The following C1S variants were observed in gnomAD, a reference collection of about 807,000 sequenced individuals.
C1S encodes complement C1s subcomponent.
In C1S, 31 loss-of-function variants were observed where a neutral mutation model predicts 54.0. The observed-to-expected ratio is 0.57, with a 90% CI of 0.43 to 0.78. The LOEUF (loss-of-function observed/expected upper bound fraction) is 0.78, where lower values mean the gene tolerates loss of function less well. Among genes scored for constraint, C1S ranks in the 30% least tolerant of loss-of-function variants. C1S has a pLI of 0.00. For missense variants in C1S, 727 were observed against 851.8 expected, an observed-to-expected ratio of 0.85 and a Z score of 1.82; for synonymous variants, 292 against 303.6, an observed-to-expected ratio of 0.96 and a Z score of 0.40.
chr12:7,067,701 C>G lies in C1S; in HGVS notation c.1125C>G (p.Ser375Arg). The G allele has an allele frequency of 6.2e-7, 1 of 1,613,728 alleles. No homozygotes were observed. Among genetic ancestry groups the G allele is most frequent in the Non-Finnish European group, 8.5e-7 (1 of 1,179,644 alleles). ...ATGGTAAAGTTGAAGACCCAGAGAG[C>G]ACTTTGTTTGGTTCTGTCATCCGCT... ...IENGKVEDPESTLFGSVIRYT... is the reference protein window; with the variant it reads ...IENGKVEDPERTLFGSVIRYT... Residue 375 changes from serine to arginine, a missense_variant, in exon 10 of 12, where the codon AGC (serine) becomes AGG (arginine). Around this residue, in one of 3 missense-constraint regions of C1S, gnomAD observed 360 missense variants for 453.6 expected, o/e 0.79. Transcript: ENST00000360817.
Position 7,067,042 on chromosome 12 carries a change from C to A in C1S, c.991C>A (p.Arg331Ser), listed in dbSNP as rs140488585. ...CLDGFEVVEG[R>S]VGATSFYSTC... ...GGTGATGTTTATTATTCTCCAGGGA[C>A]GTGTTGGTGCAACATCTTTCTATTC... Residue 331 changes from arginine to serine, a missense_variant, in exon 9 of 12, where the codon CGT (arginine) becomes AGT (serine). Transcript: ENST00000360817. 4 of 1,608,142 alleles carry A rather than the reference C, an allele frequency of 2.5e-6. No homozygotes were observed. Among genetic ancestry groups the A allele is most frequent in the Non-Finnish European group, 2.6e-6 (3 of 1,174,530 alleles).
rs980333766 is a variant in C1S, at chr12:7,065,714, T to C, written c.718-103T>C. ...TCTCCTGACCCTTATTTTCTTCTTA[T>C]TTTATGTGACATTTAATGCCTCTTT... On this transcript the variant is annotated intron_variant, in intron 6 of 11. Coordinates refer to ENST00000360817, the MANE Select transcript of C1S (RefSeq NM_001734.5). The C allele has an allele frequency of 9.0e-6, 9 of 1,000,530 alleles. No individual in the cohort carries two copies. The African/African-American group carries it at 1.3e-4, about 14-fold the overall frequency. 62.0% of individuals were successfully genotyped at this position (1,000,530 alleles called of 1,614,324 possible).
At chr12:7,067,230 TGG>T (rs1937691143) in intron 9 of C1S, 113 bp downstream of exon 9, 2 of 845,648 alleles carry the variant, frequency 2.4e-6, no homozygotes, top group Admixed American at 3.9e-5. Context: ...GGGAGTGGGT[TGG>T]GTTTTTGAAG....
At position 7,070,155 on chromosome 12, in the gene C1S, C is replaced by T. The variant is rs782095478; in HGVS notation, c.1571C>T (p.Thr524Ile). The change falls in exon 12 of 12, where the codon ACC becomes ATC. Residue 524 changes from threonine to isoleucine, a missense_variant. By Grantham distance (89) the Thr-to-Ile change is moderately conservative. This residue lies in a region of C1S where 360 missense variants were observed against 453.6 expected (regional missense o/e 0.79). Transcript: ENST00000360817. The surrounding 1 kb of genome is among the most constrained non-coding windows in gnomAD (Gnocchi z 4.9). ...WKLLEVPEGRTNFDNDIALVR... is the reference protein window; with the variant it reads ...WKLLEVPEGRINFDNDIALVR... ...CTGCTGGAAGTCCCAGAAGGACGAA[C>T]CAATTTTGATAATGACATTGCACTG... 2 of 1,614,184 alleles carry T rather than the reference C, an allele frequency of 1.2e-6. No individual in the cohort carries two copies. The highest frequency in any genetic ancestry group is 1.7e-6 in the Non-Finnish European group (2 of 1,180,026).
In C1S at chr12:7,070,917, C is replaced by G. The variant is rs997578167; in HGVS notation, c.*266C>G. 4.0e-6 allele frequency: 2 copies of G among 497,930 alleles called. No homozygotes were observed. The highest frequency in any genetic ancestry group is 5.6e-4 in the Middle Eastern group (1 of 1,792). 30.8% of individuals were successfully genotyped at this position (497,930 alleles called of 1,614,324 possible). On this transcript the variant is annotated 3_prime_UTR_variant, in exon 12 of 12. Coordinates refer to ENST00000360817, the MANE Select transcript of C1S (RefSeq NM_001734.5). The surrounding 1 kb of genome is among the most constrained non-coding windows in gnomAD (Gnocchi z 4.9). ...ATGGGTGGGGCACTCCTTTCTTGCACTATTCCACAGGGATACCTTAATTCT... is the reference window on the plus strand; with the variant it reads ...ATGGGTGGGGCACTCCTTTCTTGCAGTATTCCACAGGGATACCTTAATTCT...
rs782408713 is a variant in C1S, at chr12:7,070,640, C to T, written c.2056C>T (p.Arg686Cys). 8.1e-6 allele frequency: 13 copies of T among 1,613,578 alleles called. No individual in the cohort carries two copies. The highest frequency in any genetic ancestry group is 6.7e-5 in the Admixed American group (4 of 60,006). The change falls in exon 12 of 12, where the codon CGT becomes TGT. Residue 686 changes from arginine (R) to cysteine (C), a missense_variant. By Grantham distance (180) the Arg-to-Cys change is radical (BLOSUM62 -3). This residue lies in a region of C1S where 360 missense variants were observed against 453.6 expected (regional missense o/e 0.79). Transcript: ENST00000360817. The surrounding 1 kb of genome is among the most constrained non-coding windows in gnomAD (Gnocchi z 4.9). ...MKTMQENSTP[R>C]ED ...GACTATGCAGGAAAATAGCACCCCC[C>T]GTGAGGACTAATCCAGATACATCCC...
At position 7,063,048 on chromosome 12, in the gene C1S, T is replaced by C. The variant is rs150797595; in HGVS notation, c.372T>C (p.Ala124=). The C allele has an allele frequency of 6.2e-7, 1 of 1,613,562 alleles. No individual in the cohort carries two copies. Among genetic ancestry groups the C allele is most frequent in the African/African-American group, 1.3e-5 (1 of 74,924 alleles). The stretch of plus-strand genomic sequence containing the variant: ...ATGAAGAGCGTTTTACGGGGTTTGC[T>C]GCATACTATGTTGCCACAGGTAAGG... ...FSNEERFTGF[A]AYYVATDINE... Residue 124 remains alanine (A), a synonymous_variant, in exon 4 of 12, where the codon GCT becomes GCC. Transcript: ENST00000360817.
In C1S at chr12:7,070,152, G is replaced by A. The variant is rs1818735783; in HGVS notation, c.1568G>A (p.Arg523Gln). The A allele has an allele frequency of 6.2e-7, 1 of 1,614,170 alleles. No individual in the cohort carries two copies. The highest frequency in any genetic ancestry group is 8.5e-7 in the Non-Finnish European group (1 of 1,180,028). ...GWKLLEVPEGRTNFDNDIALV... is the reference protein window; with the variant it reads ...GWKLLEVPEGQTNFDNDIALV... Reference sequence around the variant, plus strand: ...AAGCTGCTGGAAGTCCCAGAAGGACGAACCAATTTTGATAATGACATTGCA... The same window carrying A: ...AAGCTGCTGGAAGTCCCAGAAGGACAAACCAATTTTGATAATGACATTGCA... Residue 523 changes from arginine to glutamine, a missense_variant, in exon 12 of 12, where the codon CGA (arginine) becomes CAA (glutamine). By Grantham distance (43) the Arg-to-Gln change is conservative. Around this residue, in one of 3 missense-constraint regions of C1S, gnomAD observed 360 missense variants for 453.6 expected, o/e 0.79. Transcript: ENST00000360817. This position sits in a 1 kb window ranked among gnomAD's most constrained non-coding sequence, Gnocchi z 4.9.
chr12:7,065,914 T>C lies in C1S; in HGVS notation c.815T>C (p.Phe272Ser). The C allele has an allele frequency of 6.2e-7, 1 of 1,613,716 alleles. No individual in the cohort carries two copies. The highest frequency in any genetic ancestry group is 8.5e-7 in the Non-Finnish European group (1 of 1,179,784). The change falls in exon 7 of 12, where the codon TTC becomes TCC. Residue 272 changes from phenylalanine (F) to serine (S), a missense_variant. Physicochemically the swap from Phe to Ser is radical, Grantham distance 155. Transcript: ENST00000360817. Reference sequence around the variant, plus strand: ...AAGAGTAATGCTCTTGATATCATCTTCCAAACTGATCTAACAGGGCAAAAA... The same window carrying C: ...AAGAGTAATGCTCTTGATATCATCTCCCAAACTGATCTAACAGGGCAAAAA... ...ETKSNALDII[F>S]QTDLTGQKKG...
At position 7,065,143 on chromosome 12, in the gene C1S, T is replaced by G. The variant is rs143509101; in HGVS notation, c.561T>G (p.Ile187Met). Reference sequence around the variant, plus strand: ...TATTCACTGCACTGATTGGGGAGATTGCAAGTCCCAATTATCCCAAACCAT... The same window carrying G: ...TATTCACTGCACTGATTGGGGAGATGGCAAGTCCCAATTATCCCAAACCAT... The part of the protein sequence containing the change: ...GDVFTALIGE[I>M]ASPNYPKPYP... The change falls in exon 6 of 12, where the codon ATT becomes ATG. Residue 187 changes from isoleucine (I) to methionine (M), a missense_variant. By Grantham distance (10) the Ile-to-Met change is conservative. Around this residue, in one of 3 missense-constraint regions of C1S, gnomAD observed 357 missense variants for 365.4 expected, o/e 0.98. Transcript: ENST00000360817. The G allele has an allele frequency of 1.4e-5, 23 of 1,613,976 alleles. No homozygotes were observed. The highest frequency in any genetic ancestry group is 3.3e-5 in the South Asian group (3 of 91,084).
chr12:7,065,694 T>C, intron 6 of C1S, 123 bp from the exon 7 acceptor site: 1 of 864,118 alleles, frequency 1.2e-6, no homozygotes, highest in Non-Finnish European at 1.9e-6. Context: ...TCTTTTCTCC[T>C]GACCCTTATT....
rs184632623 is a variant in C1S at position 7,062,735 on chromosome 12, G to A, written c.213+53G>A. ...GATGGAAGACTAGGGCTAAGGTAGC[G>A]GAATAAGGATGTGGGAGGGAGTGCC... On this transcript the variant is annotated intron_variant, in intron 3 of 11. Transcript: ENST00000360817. 4.3e-4 allele frequency: 683 copies of A among 1,570,586 alleles called. 1 individual carries two copies. Among genetic ancestry groups the A allele is most frequent in the Admixed American group, 1.7e-3 (101 of 59,960 alleles).
At chr12:7,062,365 G>A (rs895317076) in intron 2 of C1S, 110 bp from the exon 3 acceptor site, 13 of 808,224 alleles carry the variant, frequency 1.6e-5, no homozygotes, top group Non-Finnish European at 2.1e-5. Flanking sequence ...CCCCATGGCC[G>A]ATTGACTGCC....
At chr12:7,061,719 G>T in intron 1 of C1S, 120 bp from the exon 2 acceptor site, 1 of 691,044 alleles carries the variant, frequency 1.4e-6, no homozygotes. Flanking sequence ...TGGGGATGTT[G>T]GTGATATGGC....
Position 7,061,905 on chromosome 12 carries a change from C to A in C1S, c.-8C>A. 1.2e-6 allele frequency: 2 copies of A among 1,613,886 alleles called. No homozygotes were observed. Among genetic ancestry groups the A allele is most frequent in the South Asian group, 1.1e-5 (1 of 91,072 alleles). ...AGGCAGCTCACCAGGGTGGACAAATCGCCAGAGATGTGGTAAGTGATCAAG... is the reference window on the plus strand; with the variant it reads ...AGGCAGCTCACCAGGGTGGACAAATAGCCAGAGATGTGGTAAGTGATCAAG... On this transcript the variant is annotated 5_prime_UTR_variant, in exon 2 of 12. Coordinates refer to ENST00000360817, the MANE Select transcript of C1S (RefSeq NM_001734.5).
chr12:7,061,981 G>C, intron 2 of C1S, 64 bp downstream of exon 2: 1 of 1,530,658 alleles, frequency 6.5e-7, no homozygotes, highest in East Asian at 2.2e-5. Flanking sequence ...CAAGAAAAGC[G>C]CTCAAGGGCC....
Position 7,065,864 on chromosome 12 carries a change from C to A in C1S, c.765C>A (p.Phe255Leu), listed in dbSNP as rs2135725011. Residue 255 changes from phenylalanine (F) to leucine (L), a missense_variant, in exon 7 of 12, where the codon TTC (phenylalanine) becomes TTA (leucine). Phe to Leu is a conservative substitution (Grantham distance 22, BLOSUM62 0). Transcript: ENST00000360817. The part of the protein sequence containing the change: ...RQFGPYCGHG[F>L]PGPLNIETKS... ...TTGGTCCTTACTGTGGTCATGGATT[C>A]CCTGGGCCTCTAAATATTGAAACCA... is the stretch of plus-strand genomic sequence containing the variant. 6.2e-7 allele frequency: 1 copy of A among 1,612,750 alleles called. No individual in the cohort carries two copies. Among genetic ancestry groups the A allele is most frequent in the Non-Finnish European group, 8.5e-7 (1 of 1,179,164 alleles).
rs1555163126 is a variant in C1S at position 7,070,594 on chromosome 12, C to T, written c.2010C>T (p.Asn670=). Residue 670 remains asparagine (N), a synonymous_variant, in exon 12 of 12, where the codon AAC becomes AAT. Coordinates refer to ENST00000360817, the MANE Select transcript of C1S (RefSeq NM_001734.5). The surrounding 1 kb of genome is among the most constrained non-coding windows in gnomAD (Gnocchi z 4.9). ...GTYGLYTRVK[N]YVDWIMKTMQ... ...ATGGGCTCTACACACGGGTAAAGAA[C>T]TATGTTGACTGGATAATGAAGACTA... is the stretch of plus-strand genomic sequence containing the variant. 6.2e-7 allele frequency: 1 copy of T among 1,614,180 alleles called. No individual in the cohort carries two copies. The highest frequency in any genetic ancestry group is 1.1e-5 in the South Asian group (1 of 91,082).
At position 7,066,106 on chromosome 12, in the gene C1S, A is replaced by T. The variant is rs782287718; in HGVS notation, c.871+136A>T. 3 of 817,740 alleles carry T rather than the reference A, an allele frequency of 3.7e-6. No homozygotes were observed. The South Asian group carries it at 4.2e-5, about 11-fold the overall frequency. 50.7% of individuals were successfully genotyped at this position (817,740 alleles called of 1,614,324 possible). On this transcript the variant is annotated intron_variant, in intron 7 of 11. Transcript: ENST00000360817. ...TACCGAGGGAGGCTGAGGCAGGAGG[A>T]TCCCTTGAGCCCAGGAAGTAGGAGT...
Sources: gnomAD v4.1 joint callset for allele counts on GRCh38, gnomAD v4.1.1 for gene constraint, gnomAD v4.1.1 regional missense constraint, Gnocchi (gnomAD v3.1) non-coding constraint, MANE v1.5 for transcripts, NCBI Gene and HGNC (gene_info 2026-07-23, HGNC 2026-07-21) for gene names.